The following MAGI2 variants were observed in gnomAD, a reference collection of about 807,000 sequenced individuals.
MAGI2 encodes membrane associated guanylate kinase, WW and PDZ domain containing 2.
MAGI2 carries 35 observed loss-of-function variants against 133.3 expected under a neutral mutation model. The ratio of observed to expected loss-of-function variants is 0.26; its 90% CI spans 0.20 to 0.35. The LOEUF (loss-of-function observed/expected upper bound fraction) is 0.35. Ranked by LOEUF, MAGI2 falls within the 10% of genes least tolerant of loss-of-function variation. The pLI is 1.00. For synonymous variants in MAGI2, 729 were observed against 710.6 expected, an observed-to-expected ratio of 1.03 and a Z score of -0.41; for missense variants, 1,636 against 1,863.4, an observed-to-expected ratio of 0.88 and a Z score of 2.25.
At chr7:78,761,647 G>A (rs1824524696) in intron 2 of MAGI2, among the ~76,000 whole-genome samples, 1 of 151,918 alleles carries the variant, frequency 6.6e-6, no homozygotes, top group African/African-American at 2.4e-5. Flanking sequence ...TAGTAAAGAT[G>A]GGGTTTCACC....
chr7:78,799,869 G>C (rs576784737), intron 2 of MAGI2, among the ~76,000 whole-genome samples: 58 of 152,252 alleles, frequency 3.8e-4, no homozygotes, highest in African/African-American at 1.1e-3. Context: ...CATTTTTAAA[G>C]TATTACCATC....
At chr7:79,376,180 C>T (rs546066693) in intron 1 of MAGI2, among the ~76,000 whole-genome samples, 2 of 151,972 alleles carry the variant, frequency 1.3e-5, no homozygotes, top group East Asian at 3.9e-4. Flanking sequence ...CCAGTGACCA[C>T]CTGAAGCAGA....
intron 7 of MAGI2, among the ~76,000 whole-genome samples, chr7:78,353,524 C>T (rs902615110): frequency 4.6e-5 from 7 of 152,144 alleles, no homozygotes; most frequent in Non-Finnish European, 4.4e-5. Flanking sequence ...ATGAGTTACT[C>T]ATTCTAGAAG....
intron 14 of MAGI2, chr7:78,170,253 C>T (rs3779288): frequency 0.11 from 17,154 of 152,084 alleles, 986 homozygotes; most frequent in East Asian, 0.19. Flanking sequence ...GGGCCCTATA[C>T]AAAAATAGTA....
intron 3 of MAGI2, chr7:78,621,162 G>C (rs918525995): frequency 2.0e-5 from 3 of 151,898 alleles, no homozygotes; most frequent in Non-Finnish European, 4.4e-5. Context: ...CTAACTTTTA[G>C]AGTGCCATAC....
intron 2 of MAGI2, among the ~76,000 whole-genome samples, chr7:78,826,886 C>G (rs1334603689): frequency 3.3e-5 from 5 of 151,934 alleles, no homozygotes; most frequent in Admixed American, 3.3e-4. Flanking sequence ...CACACAACTC[C>G]TGGAATTGAA....
chr7:79,001,596 A>T (rs1806861226), intron 2 of MAGI2, among the ~76,000 whole-genome samples: 1 of 152,240 alleles, frequency 6.6e-6, no homozygotes, highest in Non-Finnish European at 1.5e-5. Flanking sequence ...ATATTTAAGA[A>T]GCATGTCAGT....
intron 6 of MAGI2, among the ~76,000 whole-genome samples, chr7:78,441,857 T>C (rs1485948172): frequency 6.6e-6 from 1 of 152,180 alleles, no homozygotes; most frequent in Non-Finnish European, 1.5e-5. Context: ...CTCTCAGTTT[T>C]AGCTTTAGCC....
At chr7:78,392,470 AAATAATAAGAG>A (rs1429788120) in intron 6 of MAGI2, among the ~76,000 whole-genome samples, 3 of 152,142 alleles carry the variant, frequency 2.0e-5, no homozygotes, top group African/African-American at 7.2e-5. Context: ...TTGTGTTAGA[AAATAATAAGAG>A]AAAAGACTGT....
intron 1 of MAGI2, among the ~76,000 whole-genome samples, chr7:79,187,217 T>C (rs1011077620): frequency 6.6e-6 from 1 of 151,758 alleles, no homozygotes. Context: ...AGTTTGAAAT[T>C]TTAATACAAG....
intron 3 of MAGI2, among the ~76,000 whole-genome samples, chr7:78,590,759 G>A (rs2150842012): frequency 6.6e-6 from 1 of 152,264 alleles, no homozygotes; most frequent in South Asian, 2.1e-4. Context: ...AACCAAAGGG[G>A]AAAAACTGTG....
chr7:79,253,608 A>C (rs1482303242), intron 1 of MAGI2, among the ~76,000 whole-genome samples: 2 of 152,118 alleles, frequency 1.3e-5, no homozygotes. Flanking sequence ...ATGCCACTGC[A>C]CTCCAGCCTA....
At chr7:78,442,062 G>A (rs1266023350) in intron 6 of MAGI2, among the ~76,000 whole-genome samples, 2 of 152,134 alleles carry the variant, frequency 1.3e-5, no homozygotes, top group Non-Finnish European at 2.9e-5. Flanking sequence ...TTCTTTAGAA[G>A]GCAACTATGA....
At chr7:79,327,017 TA>T (rs1292241605) in intron 1 of MAGI2, among the ~76,000 whole-genome samples, 1 of 152,144 alleles carries the variant, frequency 6.6e-6, no homozygotes, top group Non-Finnish European at 1.5e-5. Context: ...CTGAGGCAGG[TA>T]AAGTAGAACT....
At chr7:78,863,673 G>A (rs931717377) in intron 2 of MAGI2, among the ~76,000 whole-genome samples, 2 of 152,184 alleles carry the variant, frequency 1.3e-5, no homozygotes, top group African/African-American at 4.8e-5. Flanking sequence ...GCCTGATTAA[G>A]CTCTGAACTT....
intron 1 of MAGI2, among the ~76,000 whole-genome samples, chr7:79,171,771 T>TATATATATGTATATATATATATA (rs1554394312): frequency 5.0e-5 from 1 of 20,064 alleles, no homozygotes. Context: ...TATATATATA[T>TATATATATGTATATATATATATA]TTTTTTTTTT....
At chr7:78,142,680 G>A (rs1320704990) in intron 16 of MAGI2, among the ~76,000 whole-genome samples, 1 of 152,090 alleles carries the variant, frequency 6.6e-6, no homozygotes, top group Non-Finnish European at 1.5e-5. Context: ...ATTTCAAGGG[G>A]TTCATGTATT....
At chr7:79,125,882 G>T (rs1820366506) in intron 1 of MAGI2, 1 of 438,550 alleles carries the variant, frequency 2.3e-6, no homozygotes, top group Non-Finnish European at 4.5e-6. Flanking sequence ...GAAGTTACAG[G>T]TTACAAAGGA....
intron 1 of MAGI2, among the ~76,000 whole-genome samples, chr7:79,050,687 G>C (rs1232393179): frequency 2.0e-5 from 3 of 152,108 alleles, no homozygotes; most frequent in Non-Finnish European, 4.4e-5. Flanking sequence ...CCAGCCTCAG[G>C]CATAAATTCT....
Sources: allele counts gnomAD v4.1 joint callset (sites outside exome capture counted in the v4.1 genomes callset), GRCh38; gene constraint gnomAD v4.1.1; transcripts MANE v1.5; gene names NCBI Gene and HGNC (gene_info 2026-07-23, HGNC 2026-07-21).